The following PIP5K1B variants were observed in gnomAD, a reference collection of about 807,000 sequenced individuals.
PIP5K1B encodes phosphatidylinositol-4-phosphate 5-kinase type 1 beta.
In PIP5K1B, 42 loss-of-function variants were observed where a neutral mutation model predicts 67.0. That is an observed-to-expected ratio of 0.63 (90% CI 0.49 to 0.81). The LOEUF (loss-of-function observed/expected upper bound fraction) is 0.81, where lower values mean the gene tolerates loss of function less well. Ranked by LOEUF, PIP5K1B falls within the 30% of genes least tolerant of loss-of-function variation. The pLI is 0.00. For synonymous variants in PIP5K1B, 214 were observed against 231.4 expected (o/e 0.92, Z 0.68); for missense variants, 459 against 646.3 (o/e 0.71, Z 3.14).
intron 1 of PIP5K1B, chr9:68,707,910 A>T (rs1827198471): frequency 6.6e-6 from 1 of 152,186 alleles, no homozygotes; most frequent in African/African-American, 2.4e-5. Flanking sequence ...GTTTGTATGA[A>T]ATTATGTTTT....
chr9:68,859,466 A>T (rs1461369843), intron 4 of PIP5K1B, among the ~76,000 whole-genome samples: 1 of 152,144 alleles, frequency 6.6e-6, no homozygotes, highest in African/African-American at 2.4e-5. Flanking sequence ...TTAAAAATAG[A>T]CTCTGTTTGC....
intron 14 of PIP5K1B, among the ~76,000 whole-genome samples, chr9:68,970,348 A>G (rs1829294089): frequency 6.6e-6 from 1 of 152,220 alleles, no homozygotes; most frequent in African/African-American, 2.4e-5. Context: ...AGTCTTTTAG[A>G]TGCGTATTCA....
intron 14 of PIP5K1B, among the ~76,000 whole-genome samples, chr9:68,945,210 A>G (rs1028082286): frequency 2.0e-5 from 3 of 151,960 alleles, no homozygotes; most frequent in African/African-American, 4.8e-5. Context: ...CAGTGGTGCC[A>G]TCTCAGCTCA....
At position 68,753,342 on chromosome 9, in the gene PIP5K1B, A is replaced by ATTTT. The variant is rs398010785; in HGVS notation, c.-86+10697_-86+10700dup. Among the ~76,000 whole-genome samples, 269 of 133,866 alleles carry ATTTT rather than the reference A, an allele frequency of 2.0e-3. 4 individuals are homozygous for ATTTT. Among genetic ancestry groups the ATTTT allele is most frequent in the Non-Finnish European group, 2.9e-3 (185 of 63,594 alleles). The allele number at this position is 133,866 out of a possible 152,430, so 87.8% of individuals were successfully genotyped here. On this transcript the variant is annotated intron_variant, in intron 2 of 15. Transcript: ENST00000265382. Reference sequence around the variant, plus strand: ...GTTTATTTCCCCCCACATTTTCTTGATTTTTTTTTTTTTTTGAGACTGAGT... The same window carrying ATTTT: ...GTTTATTTCCCCCCACATTTTCTTGATTTTTTTTTTTTTTTTTTTGAGACTGAGT...
intron 1 of PIP5K1B, among the ~76,000 whole-genome samples, chr9:68,741,956 A>G (rs559910017): frequency 9.2e-5 from 14 of 152,236 alleles, no homozygotes; most frequent in Non-Finnish European, 1.8e-4. Context: ...CCTCACTTCT[A>G]TATGAGTTTC....
At chr9:68,963,228 G>A (rs1300375392) in intron 14 of PIP5K1B, 3 of 456,088 alleles carry the variant, frequency 6.6e-6, no homozygotes, top group Non-Finnish European at 8.8e-6. Flanking sequence ...AAGCAGTCCT[G>A]TGTGTGGCTC....
At chr9:68,882,394 A>G (rs1198436355) in intron 6 of PIP5K1B, among the ~76,000 whole-genome samples, 2 of 152,220 alleles carry the variant, frequency 1.3e-5, no homozygotes, top group Non-Finnish European at 2.9e-5. Flanking sequence ...TAGCCCCCAA[A>G]GGGTTATTAA....
In PIP5K1B at chr9:68,738,604, C is replaced by G. The variant is rs1170995651; in HGVS notation, c.-242-3897C>G. The stretch of plus-strand genomic sequence containing the variant: ...TGACAAGGGGTGGGGTGAAGTTAGT[C>G]ACTTTGCTCCATTCCGGCTGTCATG... On this transcript the variant is annotated intron_variant, in intron 1 of 15. Transcript: ENST00000265382. Among the ~76,000 whole-genome samples the G allele has an allele frequency of 2.6e-5, 4 of 152,326 alleles. No homozygotes were observed. The East Asian group carries it at 7.7e-4, about 29-fold the overall frequency.
At chr9:68,844,739 G>C (rs574429539) in intron 4 of PIP5K1B, among the ~76,000 whole-genome samples, 1 of 152,280 alleles carries the variant, frequency 6.6e-6, no homozygotes, top group East Asian at 1.9e-4. Flanking sequence ...GGACTAAACA[G>C]AAATAAGCAG....
intron 1 of PIP5K1B, among the ~76,000 whole-genome samples, chr9:68,729,376 G>A (rs1587352491): frequency 1.3e-5 from 2 of 151,994 alleles, no homozygotes; most frequent in East Asian, 3.9e-4. Context: ...TGTTACCTAG[G>A]GCAAAGCATA....
chr9:68,930,901 G>A (rs532069387), intron 12 of PIP5K1B, among the ~76,000 whole-genome samples: 1 of 152,022 alleles, frequency 6.6e-6, no homozygotes, highest in South Asian at 2.1e-4. Flanking sequence ...ATGAATGAAT[G>A]GAATTTTTAT....
chr9:68,950,589 G>A (rs1828015512), intron 14 of PIP5K1B, among the ~76,000 whole-genome samples: 1 of 152,166 alleles, frequency 6.6e-6, no homozygotes, highest in Admixed American at 6.5e-5. Flanking sequence ...AGTGTTCCCT[G>A]TGTGGGCCTG....
chr9:68,735,622 T>C (rs901849181), intron 1 of PIP5K1B, among the ~76,000 whole-genome samples: 2 of 152,226 alleles, frequency 1.3e-5, no homozygotes, highest in African/African-American at 4.8e-5. Context: ...ACTCCTGGAC[T>C]CAAGTGATCC....
chr9:69,005,587 G>T (rs1831040028), intron 15 of PIP5K1B, among the ~76,000 whole-genome samples: 1 of 151,930 alleles, frequency 6.6e-6, no homozygotes, highest in South Asian at 2.1e-4. Flanking sequence ...TGTTGGTCAG[G>T]CTGGTCTCGA....
intron 8 of PIP5K1B, among the ~76,000 whole-genome samples, chr9:68,894,930 G>A (rs576197852): frequency 2.6e-5 from 4 of 152,224 alleles, no homozygotes; most frequent in East Asian, 1.9e-4. Context: ...TTCTTTCTCC[G>A]CTGTGGGGAA....
chr9:68,800,760 G>A (rs925466851), intron 2 of PIP5K1B, among the ~76,000 whole-genome samples: 2 of 152,140 alleles, frequency 1.3e-5, no homozygotes, highest in African/African-American at 2.4e-5. Context: ...AAGGGCATAG[G>A]CATTTGCTAA....
At chr9:68,785,903 T>C (rs1343305076) in intron 2 of PIP5K1B, among the ~76,000 whole-genome samples, 1 of 152,234 alleles carries the variant, frequency 6.6e-6, no homozygotes, top group Non-Finnish European at 1.5e-5. Flanking sequence ...TATGAAGCGA[T>C]TGTTTCTGAT....
chr9:68,892,167 A>G lies in PIP5K1B; in HGVS notation c.472-2172A>G, dbSNP rs912726834. On this transcript the variant is annotated intron_variant, in intron 7 of 15. Transcript: ENST00000265382. Reference sequence around the variant, plus strand: ...AAAGATTTCAACTGCTCCCAAATCAACTTATAAATCCAGTCTAATTCCAAG... The same window carrying G: ...AAAGATTTCAACTGCTCCCAAATCAGCTTATAAATCCAGTCTAATTCCAAG... 3.9e-5 allele frequency among the ~76,000 whole-genome samples: 6 copies of G among 152,344 alleles called. No homozygotes were observed. In the East Asian group the frequency reaches 9.6e-4, roughly 24 times the overall value.
chr9:68,993,880 G>A (rs1192461989), intron 15 of PIP5K1B, among the ~76,000 whole-genome samples: 2 of 151,990 alleles, frequency 1.3e-5, no homozygotes, highest in Non-Finnish European at 2.9e-5. Context: ...GAACCCAGGA[G>A]CACCCTGTTG....
Sources: allele counts gnomAD v4.1 joint callset (sites outside exome capture counted in the v4.1 genomes callset), GRCh38; gene constraint gnomAD v4.1.1; transcripts MANE v1.5; gene names NCBI Gene and HGNC (gene_info 2026-07-23, HGNC 2026-07-21).